C6orf89: variants seen among roughly 807,000 people sequenced by gnomAD.
C6orf89 encodes bombesin receptor-activated protein C6orf89.
A neutral mutation model predicts 40.7 loss-of-function variants in C6orf89; 29 were observed. The observed-to-expected ratio is 0.71, with a 90% CI of 0.53 to 0.97. C6orf89 has a LOEUF of 0.97. Ranked by LOEUF, C6orf89 falls within the 50% of genes least tolerant of loss-of-function variation. The pLI is 0.00. For missense variants in C6orf89, 392 were observed against 429.1 expected, an observed-to-expected ratio of 0.91 and a Z score of 0.76; for synonymous variants, 165 against 152.2, an observed-to-expected ratio of 1.08 and a Z score of -0.62.
intron 1 of C6orf89, among the ~76,000 whole-genome samples, chr6:36,889,246 AC>A (rs1481037629): frequency 6.6e-6 from 1 of 152,232 alleles, no homozygotes; most frequent in African/African-American, 2.4e-5. Context: ...ACTGAAAAAA[AC>A]GTCCTTCGAA....
intron 1 of C6orf89, among the ~76,000 whole-genome samples, chr6:36,873,292 T>G (rs907760315): frequency 6.6e-6 from 1 of 152,216 alleles, no homozygotes; most frequent in Admixed American, 6.5e-5. Context: ...ATCTCAGTAT[T>G]TGTCATAGCC....
chr6:36,915,003 G>A (rs577876868), intron 6 of C6orf89, among the ~76,000 whole-genome samples: 2 of 152,184 alleles, frequency 1.3e-5, no homozygotes, highest in South Asian at 4.2e-4. Flanking sequence ...AAAATGGGGG[G>A]GCTATGGGGG....
rs1341228697 is a variant in C6orf89, at chr6:36,926,558, AAAG to A, written c.*3119_*3121del. The A allele has an allele frequency of 4.9e-5, 6 of 122,550 alleles. No individual in the cohort carries two copies. The highest frequency in any genetic ancestry group is 7.7e-5 in the Admixed American group (1 of 13,034). 7.6% of individuals were successfully genotyped at this position (122,550 alleles called of 1,614,324 possible). On this transcript the variant is annotated 3_prime_UTR_variant, in exon 9 of 9. Coordinates refer to ENST00000480824, the MANE Select transcript of C6orf89 (RefSeq NM_001286635.2). ...AGGAAAGGAAAGAAAAGAAAAAAAAAAAGAGAGAGAGAAAAGAAGAGGGGAGGG... is the reference window on the plus strand; with the variant it reads ...AGGAAAGGAAAGAAAAGAAAAAAAAAAGAGAGAGAAAAGAAGAGGGGAGGG...
intron 8 of C6orf89, among the ~76,000 whole-genome samples, chr6:36,921,753 C>A (rs569301386): frequency 1.3e-5 from 2 of 152,222 alleles, no homozygotes; most frequent in Admixed American, 1.3e-4. Context: ...AGGGGCTGAG[C>A]AGGGTAGCTC....
chr6:36,916,646 G>C, intron 7 of C6orf89, 72 bp downstream of exon 7: 1 of 1,582,122 alleles, frequency 6.3e-7, no homozygotes, highest in Non-Finnish European at 8.7e-7. Context: ...CATAACCAAG[G>C]CCTTCCCTGC....
At chr6:36,911,349 G>C (rs185176202) in intron 4 of C6orf89, among the ~76,000 whole-genome samples, 2 of 152,098 alleles carry the variant, frequency 1.3e-5, no homozygotes, top group African/African-American at 4.8e-5. Context: ...AATGAGCCAG[G>C]CTTCGTGGCG....
At chr6:36,921,576 T>C (rs1762510755) in intron 8 of C6orf89, among the ~76,000 whole-genome samples, 1 of 152,180 alleles carries the variant, frequency 6.6e-6, no homozygotes, top group African/African-American at 2.4e-5. Flanking sequence ...AAAGTTGAAT[T>C]CTACTCAGTG....
At position 36,926,484 on chromosome 6, in the gene C6orf89, G is replaced by T. The variant is rs1213446269; in HGVS notation, c.*3043G>T. On this transcript the variant is annotated 3_prime_UTR_variant, in exon 9 of 9. Transcript: ENST00000480824. ...GGAGGCGGAGATTGCAGTGAGCCAA[G>T]ATTGTGCCACTTCATTCCAGCCTGG... 1 of 150,898 alleles carries T rather than the reference G, an allele frequency of 6.6e-6. No individual in the cohort carries two copies. Among genetic ancestry groups the T allele is most frequent in the East Asian group, 2.0e-4 (1 of 5,124 alleles). 9.3% of individuals were successfully genotyped at this position (150,898 alleles called of 1,614,324 possible).
chr6:36,877,341 T>G (rs761533954), intron 1 of C6orf89, among the ~76,000 whole-genome samples: 8 of 150,468 alleles, frequency 5.3e-5, no homozygotes, highest in Non-Finnish European at 8.9e-5. Context: ...CAATTTTTTG[T>G]TTTTTTTTGA....
intron 4 of C6orf89, among the ~76,000 whole-genome samples, chr6:36,909,434 C>A (rs1047345136): frequency 1.3e-5 from 2 of 151,956 alleles, no homozygotes; most frequent in African/African-American, 4.8e-5. Flanking sequence ...AGTTAGAAAA[C>A]TAAATAATAG....
intron 1 of C6orf89, among the ~76,000 whole-genome samples, chr6:36,888,645 T>C (rs984695236): frequency 3.3e-5 from 5 of 151,822 alleles, no homozygotes; most frequent in African/African-American, 1.2e-4. Context: ...AAAATAAAAA[T>C]AAAAAACTGG....
chr6:36,919,453 T>G, intron 7 of C6orf89, 125 bp from the exon 8 acceptor site: 1 of 1,206,862 alleles, frequency 8.3e-7, no homozygotes, highest in Non-Finnish European at 1.1e-6. Flanking sequence ...ATTGGTTCTA[T>G]TTCCTCTTTG....
chr6:36,917,545 A>G lies in C6orf89; in HGVS notation c.825+971A>G, dbSNP rs372778323. 2.6e-5 allele frequency among the ~76,000 whole-genome samples: 4 copies of G among 152,358 alleles called. No homozygotes were observed. The East Asian group carries it at 5.8e-4, about 22-fold the overall frequency. On this transcript the variant is annotated intron_variant, in intron 7 of 8. Coordinates refer to ENST00000480824, the MANE Select transcript of C6orf89 (RefSeq NM_001286635.2). The stretch of plus-strand genomic sequence containing the variant: ...CATAAAAAAATAAATTTCCCAAACT[A>G]TGGCCCCCTGCCACCTCTGGACCAT...
intron 1 of C6orf89, among the ~76,000 whole-genome samples, chr6:36,877,454 C>T (rs145068325): frequency 6.6e-6 from 1 of 152,328 alleles, no homozygotes; most frequent in Admixed American, 6.5e-5. Context: ...CCTCAGCCTC[C>T]CGAGTAGCTG....
intron 1 of C6orf89, among the ~76,000 whole-genome samples, chr6:36,875,196 G>T (rs893050217): frequency 2.6e-5 from 4 of 152,184 alleles, no homozygotes; most frequent in Admixed American, 6.5e-5. Flanking sequence ...GTAGTTTAGA[G>T]ATGCCAGTAA....
chr6:36,900,454 G>A lies in C6orf89; in HGVS notation c.189+821G>A, dbSNP rs569527580. Among the ~76,000 whole-genome samples, 17 of 151,126 alleles carry A rather than the reference G, an allele frequency of 1.1e-4. No individual in the cohort carries two copies. The South Asian group carries it at 1.7e-3, about 15-fold the overall frequency. On this transcript the variant is annotated intron_variant, in intron 3 of 8. Transcript: ENST00000480824. ...TGACCTCAGGTGATCTGCCCTCCTC[G>A]GCTTCCCAAAGTGCTGGGATTACAG...
intron 2 of C6orf89, among the ~76,000 whole-genome samples, chr6:36,895,228 A>G (rs1761377944): frequency 6.6e-6 from 1 of 152,220 alleles, no homozygotes; most frequent in Non-Finnish European, 1.5e-5. Context: ...GGAAATATGA[A>G]AGTCACAAAG....
At position 36,925,241 on chromosome 6, in the gene C6orf89, C is replaced by T. The variant is rs1278198365; in HGVS notation, c.*1800C>T. ...CTGCAGTGTCCTTACCCTGGCTGTA[C>T]ATGGGGAAGGGCTATGTGTAAACAA... On this transcript the variant is annotated 3_prime_UTR_variant, in exon 9 of 9. Transcript: ENST00000480824. 1 of 152,190 alleles carries T rather than the reference C, an allele frequency of 6.6e-6. No individual in the cohort carries two copies. The highest frequency in any genetic ancestry group is 2.4e-5 in the African/African-American group (1 of 41,432). 9.4% of individuals were successfully genotyped at this position (152,190 alleles called of 1,614,324 possible).
chr6:36,883,705 T>C (rs918678289), upstream of C6orf89, among the ~76,000 whole-genome samples: 1 of 152,204 alleles, frequency 6.6e-6, no homozygotes, highest in Non-Finnish European at 1.5e-5. Context: ...AAAGAGAACA[T>C]TGACAAGAGG....
Sources: allele counts gnomAD v4.1 joint callset (sites outside exome capture counted in the v4.1 genomes callset), GRCh38; gene constraint gnomAD v4.1.1; transcripts MANE v1.5; gene names NCBI Gene and HGNC (gene_info 2026-07-23, HGNC 2026-07-21).